SLC35F4: variants seen among roughly 807,000 people sequenced by gnomAD.
SLC35F4 encodes solute carrier family 35 member F4.
SLC35F4 carries 24 observed loss-of-function variants against 44.2 expected under a neutral mutation model. The ratio of observed to expected loss-of-function variants is 0.54; its 90% CI spans 0.39 to 0.76. SLC35F4 has a LOEUF of 0.76. SLC35F4 is among the 30% of genes least tolerant of loss of function. SLC35F4 has a pLI of 0.00. For synonymous variants in SLC35F4, 238 were observed against 223.6 expected, an observed-to-expected ratio of 1.06 and a Z score of -0.57; for missense variants, 562 against 586.1, an observed-to-expected ratio of 0.96 and a Z score of 0.42.
chr14:57,865,643 GCC>G, intron 1 of SLC35F4, 78 bp downstream of exon 1: 1 of 1,231,746 alleles, frequency 8.1e-7, no homozygotes, highest in Non-Finnish European at 1.1e-6. Flanking sequence ...CCGCGCGCCC[GCC>G]CGTCCGCATC....
intron 1 of SLC35F4, among the ~76,000 whole-genome samples, chr14:57,776,683 A>AG (rs1465376428): frequency 7.3e-5 from 11 of 151,406 alleles, no homozygotes; most frequent in African/African-American, 2.7e-4. Context: ...AAAAAAAAAA[A>AG]AAAAAATTAA....
At chr14:57,575,985 A>G (rs1009749289) in intron 4 of SLC35F4, among the ~76,000 whole-genome samples, 3 of 141,114 alleles carry the variant, frequency 2.1e-5, no homozygotes, top group Non-Finnish European at 4.7e-5. Flanking sequence ...GTTTTCTTGT[A>G]TCTTTTTTTT....
intron 1 of SLC35F4, 34 bp downstream of exon 1, chr14:57,865,689 C>A: frequency 6.7e-7 from 1 of 1,498,104 alleles, no homozygotes; most frequent in South Asian, 1.2e-5. Context: ...CCTCCCTTCC[C>A]CGCCTCGCGC....
chr14:57,570,463 T>C (rs1030589758), intron 5 of SLC35F4, among the ~76,000 whole-genome samples: 1 of 152,230 alleles, frequency 6.6e-6, no homozygotes, highest in African/African-American at 2.4e-5. Flanking sequence ...GTTTTCTTTG[T>C]GAGCTCAAAA....
chr14:57,937,612 AAAGAAAAGAAAAG>A (rs1357835947), intron 1 of SLC35F4, among the ~76,000 whole-genome samples: 1 of 87,712 alleles, frequency 1.1e-5, no homozygotes, highest in Non-Finnish European at 2.3e-5. Flanking sequence ...AAAGAAAAGA[AAAGAAAAGAAAAG>A]AAAAGAAAAG....
chr14:57,638,988 G>A (rs115650667), intron 1 of SLC35F4, among the ~76,000 whole-genome samples: 4,209 of 151,994 alleles, frequency 0.028, 87 homozygotes, highest in South Asian at 0.075. Flanking sequence ...TGGACTTTTC[G>A]GTGTCATAAA....
rs199785589 is a variant in SLC35F4, at chr14:57,578,325, G to GTTTT, written c.807+2885_807+2888dup. 5.3e-4 allele frequency among the ~76,000 whole-genome samples: 23 copies of GTTTT among 43,164 alleles called. 7 individuals are homozygous for GTTTT. Among genetic ancestry groups the GTTTT allele is most frequent in the Non-Finnish European group, 8.7e-4 (19 of 21,762 alleles). 28.3% of individuals were successfully genotyped at this position (43,164 alleles called of 152,430 possible). A position where few individuals can be genotyped will look rare whatever the true frequency, so the allele number is the denominator to read the frequency against. On this transcript the variant is annotated intron_variant, in intron 4 of 7. Transcript: ENST00000556826. ...GATGACTGAAAGCATCCCTTTAACT[G>GTTTT]TTTTTTTTTTTTTTTTTTTTTTTTT...
At chr14:57,741,192 T>C (rs1045195081) in intron 1 of SLC35F4, among the ~76,000 whole-genome samples, 3 of 152,220 alleles carry the variant, frequency 2.0e-5, no homozygotes, top group African/African-American at 7.2e-5. Flanking sequence ...TCCAAAGGAA[T>C]GCAGCTCCTC....
At chr14:57,808,695 A>C (rs546945307) in intron 1 of SLC35F4, among the ~76,000 whole-genome samples, 5 of 149,538 alleles carry the variant, frequency 3.3e-5, no homozygotes, top group African/African-American at 1.3e-4. Flanking sequence ...GGTGCCAGCT[A>C]GTCAAGAGGC....
intron 1 of SLC35F4, among the ~76,000 whole-genome samples, chr14:57,695,933 T>A (rs2075370869): frequency 6.6e-6 from 1 of 152,094 alleles, no homozygotes; most frequent in Non-Finnish European, 1.5e-5. Context: ...AAAAATTAAC[T>A]CAGGATGGAT....
chr14:57,704,221 C>T (rs1185802847), intron 1 of SLC35F4, among the ~76,000 whole-genome samples: 4 of 152,272 alleles, frequency 2.6e-5, no homozygotes, highest in African/African-American at 9.6e-5. Context: ...CAAGTTTGGC[C>T]TCTGTTAACC....
chr14:57,954,712 A>G (rs1165785876), intron 1 of SLC35F4, among the ~76,000 whole-genome samples: 6 of 152,150 alleles, frequency 3.9e-5, no homozygotes, highest in Admixed American at 6.5e-5. Flanking sequence ...ATACCCTCCC[A>G]AGACTAAACC....
At chr14:57,709,026 C>T (rs1210946922) in intron 1 of SLC35F4, among the ~76,000 whole-genome samples, 1 of 152,160 alleles carries the variant, frequency 6.6e-6, no homozygotes, top group Non-Finnish European at 1.5e-5. Flanking sequence ...TAGGATGGAA[C>T]ATGAAAGCGG....
At chr14:57,806,268 G>C (rs2140872602) in intron 1 of SLC35F4, among the ~76,000 whole-genome samples, 1 of 152,228 alleles carries the variant, frequency 6.6e-6, no homozygotes, top group East Asian at 1.9e-4. Context: ...AATTACAGCT[G>C]CATTTTTAAA....
intron 1 of SLC35F4, among the ~76,000 whole-genome samples, chr14:57,706,199 T>C (rs938482452): frequency 1.3e-5 from 2 of 152,220 alleles, no homozygotes; most frequent in African/African-American, 2.4e-5. Context: ...AGAGATTATG[T>C]CTGTGTCCAT....
At chr14:57,788,797 G>C (rs545248061) in intron 1 of SLC35F4, among the ~76,000 whole-genome samples, 1 of 151,922 alleles carries the variant, frequency 6.6e-6, no homozygotes, top group African/African-American at 2.4e-5. Flanking sequence ...CAAAAGAACG[G>C]AAATCAAAAC....
chr14:57,818,443 A>G (rs1035659923), intron 1 of SLC35F4, among the ~76,000 whole-genome samples: 1 of 152,200 alleles, frequency 6.6e-6, no homozygotes, highest in Non-Finnish European at 1.5e-5. Flanking sequence ...CCAGTAGACT[A>G]CTGGGCAAAG....
In SLC35F4 at chr14:57,978,810, C is replaced by A. The variant is rs1208532518; in HGVS notation, n.152-1853G>T. On this transcript the variant is annotated intron_variant and non_coding_transcript_variant, in intron 1 of 1. Transcript: ENST00000554648. ...CCATGAAATTGAAAATCAGGGGACACAGAATAGGTTCCACTGAGTCTGAAG... is the reference window on the plus strand; with the variant it reads ...CCATGAAATTGAAAATCAGGGGACAAAGAATAGGTTCCACTGAGTCTGAAG... Among the ~76,000 whole-genome samples, 3 of 152,192 alleles carry A rather than the reference C, an allele frequency of 2.0e-5. No individual in the cohort carries two copies. In the South Asian group the frequency reaches 6.2e-4, roughly 31 times the overall value.
chr14:57,684,940 G>A (rs1246947370), intron 1 of SLC35F4, among the ~76,000 whole-genome samples: 1 of 152,124 alleles, frequency 6.6e-6, no homozygotes, highest in Non-Finnish European at 1.5e-5. Context: ...CCAGTCATGG[G>A]CAGCTTACAG....
Sources: allele counts gnomAD v4.1 joint callset (sites outside exome capture counted in the v4.1 genomes callset), GRCh38; gene constraint gnomAD v4.1.1; transcripts MANE v1.5; gene names NCBI Gene and HGNC (gene_info 2026-07-23, HGNC 2026-07-21).